HS3ST4: variants seen among roughly 807,000 people sequenced by gnomAD.
HS3ST4 encodes heparan sulfate-glucosamine 3-sulfotransferase 4.
Under a neutral mutation model 29.2 loss-of-function variants are expected in HS3ST4, and 17 were observed. The ratio of observed to expected loss-of-function variants is 0.58; its 90% CI spans 0.40 to 0.87. The LOEUF (loss-of-function observed/expected upper bound fraction) is 0.87. Among genes scored for constraint, HS3ST4 ranks in the 40% least tolerant of loss-of-function variants. The pLI, the probability that HS3ST4 is intolerant of heterozygous loss-of-function variation, is 0.00. For synonymous variants in HS3ST4, 314 were observed against 285.7 expected (o/e 1.10, Z -1.00); for missense variants, 627 against 634.5 (o/e 0.99, Z 0.13).
chr16:25,915,414 T>C (rs970412283), intron 1 of HS3ST4, among the ~76,000 whole-genome samples: 3 of 152,242 alleles, frequency 2.0e-5, no homozygotes, highest in Non-Finnish European at 4.4e-5. Flanking sequence ...CTTCCATTTC[T>C]TGGCCCTTTT....
chr16:25,697,473 A>G (rs1468242960), intron 1 of HS3ST4, among the ~76,000 whole-genome samples: 2 of 152,246 alleles, frequency 1.3e-5, no homozygotes, highest in East Asian at 1.9e-4. Flanking sequence ...TGTTGAAATT[A>G]TACTCATATC....
At chr16:25,891,505 G>A (rs1273713507) in intron 1 of HS3ST4, among the ~76,000 whole-genome samples, 1 of 152,066 alleles carries the variant, frequency 6.6e-6, no homozygotes, top group Non-Finnish European at 1.5e-5. Context: ...TGGGACCTCA[G>A]CTGCCAGGTA....
At chr16:25,779,216 G>C (rs1283331266) in intron 1 of HS3ST4, among the ~76,000 whole-genome samples, 1 of 152,118 alleles carries the variant, frequency 6.6e-6, no homozygotes, top group East Asian at 1.9e-4. Context: ...GAGAAAGGTG[G>C]GTCACCAAAC....
At chr16:25,822,490 G>A (rs1321106772) in intron 1 of HS3ST4, among the ~76,000 whole-genome samples, 1 of 152,114 alleles carries the variant, frequency 6.6e-6, no homozygotes, top group African/African-American at 2.4e-5. Context: ...TTTTTCTCTT[G>A]GGAGTAGGAA....
In HS3ST4 at chr16:26,038,256, A is replaced by T. The variant is rs573509738; in HGVS notation, c.735-97356A>T. Among the ~76,000 whole-genome samples the T allele has an allele frequency of 8.9e-4, 136 of 152,202 alleles. 1 individual carries two copies. The highest frequency in any genetic ancestry group is 2.0e-3 in the Admixed American group (31 of 15,280). On this transcript the variant is annotated intron_variant, in intron 1 of 1. Coordinates refer to ENST00000331351, the MANE Select transcript of HS3ST4 (RefSeq NM_006040.3). The stretch of plus-strand genomic sequence containing the variant: ...CAGGTCCTTCAACTCTCCACTGATG[A>T]TGCCTTCTCTGACTCAACTAAAAAG...
intron 1 of HS3ST4, among the ~76,000 whole-genome samples, chr16:25,928,042 A>AAG: frequency 6.6e-6 from 1 of 150,932 alleles, no homozygotes; most frequent in Non-Finnish European, 1.5e-5. Flanking sequence ...CGACAAAAAA[A>AAG]AAAAAAAAAA....
intron 1 of HS3ST4, among the ~76,000 whole-genome samples, chr16:25,747,125 G>T (rs946117036): frequency 2.6e-5 from 4 of 151,922 alleles, no homozygotes; most frequent in African/African-American, 9.7e-5. Flanking sequence ...AAAGTGTTGG[G>T]ATGACAGGTG....
chr16:25,893,391 G>A (rs1968029256), intron 1 of HS3ST4, among the ~76,000 whole-genome samples: 1 of 152,242 alleles, frequency 6.6e-6, no homozygotes, highest in African/African-American at 2.4e-5. Flanking sequence ...CCAGTTAGCA[G>A]CTTCTGTGGA....
At chr16:25,966,540 G>A (rs1319100622) in intron 1 of HS3ST4, among the ~76,000 whole-genome samples, 1 of 152,132 alleles carries the variant, frequency 6.6e-6, no homozygotes, top group Non-Finnish European at 1.5e-5. Flanking sequence ...CTTCTTCATA[G>A]GTACCATGAG....
In HS3ST4 at chr16:26,125,865, G is replaced by T. The variant is rs79776997; in HGVS notation, c.735-9747G>T. Among the ~76,000 whole-genome samples the T allele has an allele frequency of 4.5e-3, 683 of 152,288 alleles. 5 individuals are homozygous for T. Among genetic ancestry groups the T allele is most frequent in the African/African-American group, 0.015 (641 of 41,564 alleles). On this transcript the variant is annotated intron_variant, in intron 1 of 1. Coordinates refer to ENST00000331351, the MANE Select transcript of HS3ST4 (RefSeq NM_006040.3). ...GCCTTGCACTTGTCTTTAAATGTACGCCTGGAACCTGAACGCTGAGTAGGT... is the reference window on the plus strand; with the variant it reads ...GCCTTGCACTTGTCTTTAAATGTACTCCTGGAACCTGAACGCTGAGTAGGT...
At chr16:25,778,791 G>A (rs1027004977) in intron 1 of HS3ST4, among the ~76,000 whole-genome samples, 1 of 152,018 alleles carries the variant, frequency 6.6e-6, no homozygotes, top group Non-Finnish European at 1.5e-5. Flanking sequence ...AGATGAAGAC[G>A]AAGGAGAAGA....
chr16:26,090,071 T>G (rs1313603156), intron 1 of HS3ST4, among the ~76,000 whole-genome samples: 1 of 152,224 alleles, frequency 6.6e-6, no homozygotes, highest in Non-Finnish European at 1.5e-5. Flanking sequence ...ATGTAAAGTA[T>G]CAGACACATT....
At chr16:25,840,481 A>G (rs2141644349) in intron 1 of HS3ST4, among the ~76,000 whole-genome samples, 1 of 152,348 alleles carries the variant, frequency 6.6e-6, no homozygotes, top group Middle Eastern at 3.4e-3. Context: ...CCTAATATCA[A>G]ATAAGTTGTT....
At chr16:26,060,012 T>C (rs1343308136) in intron 1 of HS3ST4, among the ~76,000 whole-genome samples, 1 of 152,108 alleles carries the variant, frequency 6.6e-6, no homozygotes, top group Middle Eastern at 3.2e-3. Context: ...ACTCCTGACC[T>C]TGTGATCTGC....
chr16:25,787,912 C>A (rs1221505383), intron 1 of HS3ST4, among the ~76,000 whole-genome samples: 5 of 152,094 alleles, frequency 3.3e-5, no homozygotes, highest in Non-Finnish European at 5.9e-5. Context: ...TATTTTAGGC[C>A]ATAATGCATG....
intron 1 of HS3ST4, among the ~76,000 whole-genome samples, chr16:26,001,696 G>A (rs1329094234): frequency 1.3e-5 from 2 of 152,110 alleles, no homozygotes; most frequent in Non-Finnish European, 2.9e-5. Context: ...TTGTTTGAGG[G>A]CATTTTAAAG....
chr16:25,808,252 A>G (rs1967007554), intron 1 of HS3ST4, among the ~76,000 whole-genome samples: 1 of 152,184 alleles, frequency 6.6e-6, no homozygotes, highest in South Asian at 2.1e-4. Context: ...AAAGTGTTAT[A>G]ATTTTATGTT....
intron 1 of HS3ST4, among the ~76,000 whole-genome samples, chr16:25,886,266 C>T (rs1967950794): frequency 1.3e-5 from 2 of 152,016 alleles, no homozygotes; most frequent in Non-Finnish European, 2.9e-5. Context: ...CTCCTGACCC[C>T]AAGTGATCCG....
chr16:25,784,542 G>C (rs1247666181), intron 1 of HS3ST4, among the ~76,000 whole-genome samples: 1 of 152,226 alleles, frequency 6.6e-6, no homozygotes, highest in East Asian at 1.9e-4. Context: ...GGAAGTTTTA[G>C]TGGTCTGGTT....
Sources: allele counts gnomAD v4.1 joint callset (sites outside exome capture counted in the v4.1 genomes callset), GRCh38; gene constraint gnomAD v4.1.1; transcripts MANE v1.5; gene names NCBI Gene and HGNC (gene_info 2026-07-23, HGNC 2026-07-21).